PPARGC1A: variants seen among roughly 807,000 people sequenced by gnomAD.
PPARGC1A encodes the protein PPARG coactivator 1 alpha.
PPARGC1A carries 25 observed loss-of-function variants against 88.7 expected under a neutral mutation model. That is an observed-to-expected ratio of 0.28 (90% confidence interval 0.21 to 0.39). The LOEUF is 0.39. PPARGC1A is among the 10% of genes least tolerant of loss of function. PPARGC1A has a pLI of 1.00. For synonymous variants in PPARGC1A, 363 were observed against 355.6 expected (o/e 1.02, Z -0.24); for missense variants, 880 against 968.7 (o/e 0.91, Z 1.22).
the PPARGC1A span, among the ~76,000 whole-genome samples, chr4:24,017,326 G>C: frequency 1.2e-4 from 18 of 152,136 alleles, no homozygotes; most frequent in Non-Finnish European, 2.6e-4. Context: ...TCCTAACACT[G>C]TATGTGAAAT....
chr4:23,890,063 G>A (rs1202079955), upstream of PPARGC1A: 1 of 1,553,888 alleles, frequency 6.4e-7, no homozygotes, highest in East Asian at 2.3e-5. Context: ...TGAACTGAAG[G>A]CACCTGTCTT....
intron 12 of PPARGC1A, among the ~76,000 whole-genome samples, chr4:23,797,668 A>G (rs748122038): frequency 1.1e-4 from 16 of 152,214 alleles, no homozygotes; most frequent in Non-Finnish European, 2.1e-4. Flanking sequence ...TAGTGTTCAC[A>G]TATATACCCA....
the PPARGC1A span, among the ~76,000 whole-genome samples, chr4:24,204,735 G>A: frequency 3.2e-4 from 48 of 152,218 alleles, no homozygotes; most frequent in Non-Finnish European, 2.9e-5. Context: ...CATATTAGTT[G>A]TTTATGGGGT....
At chr4:24,408,815 CT>C in the PPARGC1A span, among the ~76,000 whole-genome samples, 1 of 152,194 alleles carries the variant, frequency 6.6e-6, no homozygotes. Context: ...CAGACGAAAA[CT>C]GCCCTGCCGA....
chr4:23,853,648 C>G (rs1729699051), intron 2 of PPARGC1A, among the ~76,000 whole-genome samples: 1 of 152,048 alleles, frequency 6.6e-6, no homozygotes, highest in African/African-American at 2.4e-5. Context: ...ATACTCTCAC[C>G]AAGAATATTA....
the PPARGC1A span, among the ~76,000 whole-genome samples, chr4:24,441,346 C>A: frequency 6.6e-6 from 1 of 152,194 alleles, no homozygotes; most frequent in African/African-American, 2.4e-5. Flanking sequence ...TTTCATTTCC[C>A]CTTCTGATTT....
At chr4:23,889,801 C>A in intron 1 of PPARGC1A, 103 bp downstream of exon 1, 2 of 1,394,974 alleles carry the variant, frequency 1.4e-6, no homozygotes, top group South Asian at 1.4e-5. Context: ...GGACTACTTT[C>A]CTGGCTCCTC....
chr4:24,105,490 CCA>C, the PPARGC1A span, among the ~76,000 whole-genome samples: 3 of 152,126 alleles, frequency 2.0e-5, no homozygotes, highest in Non-Finnish European at 4.4e-5. Context: ...ATGAAATAGT[CCA>C]GTGTTTCTCA....
chr4:23,997,938 C>G, the PPARGC1A span, among the ~76,000 whole-genome samples: 1 of 152,088 alleles, frequency 6.6e-6, no homozygotes, highest in East Asian at 1.9e-4. Flanking sequence ...TTTATCGTTC[C>G]CTGGAGTATT....
the PPARGC1A span, among the ~76,000 whole-genome samples, chr4:24,026,083 T>C: frequency 5.3e-5 from 8 of 152,202 alleles, no homozygotes; most frequent in Non-Finnish European, 1.2e-4. Context: ...ATATTTTACC[T>C]AAAATGAAGA....
At chr4:24,150,057 T>C in the PPARGC1A span, among the ~76,000 whole-genome samples, 1 of 152,120 alleles carries the variant, frequency 6.6e-6, no homozygotes, top group African/African-American at 2.4e-5. Flanking sequence ...CAGAATATCC[T>C]TACTTAAGAT....
rs777068621 is a variant in PPARGC1A at position 23,828,579 on chromosome 4, G to C, written c.578C>G (p.Ala193Gly). The change falls in exon 5 of 13, where the codon GCG becomes GGG. Residue 193 changes from alanine to glycine, a missense_variant. Transcript: ENST00000264867. ...CTTTTGCTGTTGACAAATACTCTTC[G>C]CTTTATTGCTCCATGAATTCTCAGT... The part of the protein sequence containing the change: ...VKTENSWSNK[A>G]KSICQQQKPQ... 1.9e-6 allele frequency: 3 copies of C among 1,613,978 alleles called. No individual in the cohort carries two copies. The highest frequency in any genetic ancestry group is 1.7e-5 in the Admixed American group (1 of 59,994).
chr4:24,330,534 G>A, the PPARGC1A span, among the ~76,000 whole-genome samples: 3 of 152,108 alleles, frequency 2.0e-5, no homozygotes, highest in Non-Finnish European at 4.4e-5. Context: ...GCCTTCAGCT[G>A]ACTCCAGCCC....
the PPARGC1A span, among the ~76,000 whole-genome samples, chr4:24,267,056 T>C: frequency 6.6e-6 from 1 of 152,184 alleles, no homozygotes; most frequent in Non-Finnish European, 1.5e-5. Flanking sequence ...TTTCTAAAAA[T>C]TGGATCTTAC....
chr4:24,409,809 G>T, the PPARGC1A span, among the ~76,000 whole-genome samples: 1 of 152,174 alleles, frequency 6.6e-6, no homozygotes, highest in Non-Finnish European at 1.5e-5. Context: ...TTACATGACT[G>T]CATGTGATTG....
chr4:24,024,565 T>C, the PPARGC1A span, among the ~76,000 whole-genome samples: 3 of 152,122 alleles, frequency 2.0e-5, no homozygotes, highest in African/African-American at 7.2e-5. Flanking sequence ...GGTGTGAGAG[T>C]CCCTAAATTC....
the PPARGC1A span, among the ~76,000 whole-genome samples, chr4:23,915,708 A>T: frequency 6.6e-6 from 1 of 152,322 alleles, no homozygotes; most frequent in African/African-American, 2.4e-5. Context: ...TTTATTCCAA[A>T]TACTGAATTC....
chr4:24,305,228 A>G, the PPARGC1A span, among the ~76,000 whole-genome samples: 1 of 149,832 alleles, frequency 6.7e-6, no homozygotes, highest in Non-Finnish European at 1.5e-5. Context: ...TAATTTTCTT[A>G]GTGATAGCAT....
chr4:24,029,848 C>T, the PPARGC1A span, among the ~76,000 whole-genome samples: 1 of 152,072 alleles, frequency 6.6e-6, no homozygotes, highest in Non-Finnish European at 1.5e-5. Flanking sequence ...CAGTGGACAA[C>T]ACCATTTGAC....
Sources: gnomAD v4.1 joint callset for allele counts (sites outside exome capture counted in the v4.1 genomes callset) on GRCh38, gnomAD v4.1.1 for gene constraint, MANE v1.5 for transcripts, NCBI Gene and HGNC (gene_info 2026-07-23, HGNC 2026-07-21) for gene names.